Variants in SLC35D4 observed in about 807,000 individuals in gnomAD.
The protein encoded by SLC35D4 is solute carrier family 35 member D4, also known as UDP-N-acetylglucosamine transporter SLC35D4.
chr18:23,330,665 C>A, the SLC35D4 span, among the ~76,000 whole-genome samples: 1 of 152,202 alleles, frequency 6.6e-6, no homozygotes, highest in Non-Finnish European at 1.5e-5. Context: ...ACCCTGACAG[C>A]CGGCTCGCTC....
At chr18:23,285,130 T>C in the SLC35D4 span, among the ~76,000 whole-genome samples, 5 of 152,196 alleles carry the variant, frequency 3.3e-5, no homozygotes. Context: ...TGACCTCTTA[T>C]CTCTGTGCCC....
At chr18:23,393,829 A>G in the SLC35D4 span, among the ~76,000 whole-genome samples, 14 of 152,058 alleles carry the variant, frequency 9.2e-5, no homozygotes, top group Non-Finnish European at 1.6e-4. Context: ...ACATTGGTCA[A>G]GCTGGTCTCG....
At chr18:23,290,696 G>A in the SLC35D4 span, among the ~76,000 whole-genome samples, 1 of 148,942 alleles carries the variant, frequency 6.7e-6, no homozygotes, top group Non-Finnish European at 1.5e-5. Flanking sequence ...GCGCATCCTT[G>A]ACCCACTGCA....
chr18:23,360,823 T>G, the SLC35D4 span, among the ~76,000 whole-genome samples: 5 of 152,060 alleles, frequency 3.3e-5, no homozygotes, highest in Admixed American at 3.3e-4. Flanking sequence ...AAGAAGGGGC[T>G]GGGTGCAGCA....
chr18:23,260,721 T>C, the SLC35D4 span, among the ~76,000 whole-genome samples: 4 of 138,632 alleles, frequency 2.9e-5, no homozygotes, highest in African/African-American at 1.1e-4. Context: ...GGGTTGGGGA[T>C]GGGGGCGCGC....
chr18:23,419,169 A>C, the SLC35D4 span, among the ~76,000 whole-genome samples: 1 of 152,150 alleles, frequency 6.6e-6, no homozygotes, highest in South Asian at 2.1e-4. Context: ...TTTGTGCATC[A>C]TTTCAGGATA....
the SLC35D4 span, among the ~76,000 whole-genome samples, chr18:23,318,233 G>A: frequency 2.6e-5 from 4 of 152,102 alleles, no homozygotes; most frequent in East Asian, 1.9e-4. Flanking sequence ...CCAGTTGTTC[G>A]TCTTCTTTGG....
the SLC35D4 span, among the ~76,000 whole-genome samples, chr18:23,265,361 A>G: frequency 6.6e-6 from 1 of 152,092 alleles, no homozygotes; most frequent in Admixed American, 6.5e-5. Flanking sequence ...AATTTCTCCC[A>G]ATGCACGAGC....
chr18:23,330,428 T>G, the SLC35D4 span, among the ~76,000 whole-genome samples: 3 of 152,210 alleles, frequency 2.0e-5, no homozygotes, highest in Admixed American at 6.5e-5. Context: ...TAAGGTTTTT[T>G]TTCTAGAGAT....
At chr18:23,275,102 GT>G in the SLC35D4 span, among the ~76,000 whole-genome samples, 30 of 151,680 alleles carry the variant, frequency 2.0e-4, no homozygotes, top group African/African-American at 6.8e-4. Flanking sequence ...GTGCTTGTGT[GT>G]TTTTGTGTGT....
At chr18:23,325,448 A>T in the SLC35D4 span, among the ~76,000 whole-genome samples, 1 of 152,050 alleles carries the variant, frequency 6.6e-6, no homozygotes, top group Non-Finnish European at 1.5e-5. Context: ...TGTGCACAGG[A>T]GGGGCTTGAG....
At chr18:23,412,607 T>C in the SLC35D4 span, among the ~76,000 whole-genome samples, 2 of 152,156 alleles carry the variant, frequency 1.3e-5, no homozygotes, top group East Asian at 1.9e-4. Context: ...TCAGAGAGGA[T>C]CACATTCCCT....
At chr18:23,334,983 C>T in the SLC35D4 span, among the ~76,000 whole-genome samples, 4 of 150,626 alleles carry the variant, frequency 2.7e-5, no homozygotes, top group African/African-American at 7.3e-5. Context: ...CCAGCCTGAG[C>T]GACAGAGCGA....
the SLC35D4 span, among the ~76,000 whole-genome samples, chr18:23,314,862 G>A: frequency 6.6e-6 from 1 of 152,248 alleles, no homozygotes; most frequent in Admixed American, 6.5e-5. Flanking sequence ...AATACGAGGT[G>A]TCAGCCGCAG....
chr18:23,323,756 C>A, the SLC35D4 span, among the ~76,000 whole-genome samples: 2 of 152,052 alleles, frequency 1.3e-5, no homozygotes, highest in African/African-American at 2.4e-5. Context: ...GAATGTGGAG[C>A]CCTCACCATG....
chr18:23,318,198 A>C, the SLC35D4 span, among the ~76,000 whole-genome samples: 2 of 152,202 alleles, frequency 1.3e-5, no homozygotes, highest in Non-Finnish European at 2.9e-5. Flanking sequence ...AATGACACTA[A>C]GCATCTTTTT....
the SLC35D4 span, among the ~76,000 whole-genome samples, chr18:23,283,232 A>AC: frequency 7.9e-5 from 12 of 152,034 alleles, no homozygotes; most frequent in Admixed American, 7.9e-4. Context: ...CACACCTGTA[A>AC]CCCCAGTACT....
chr18:23,294,540 G>T, the SLC35D4 span, among the ~76,000 whole-genome samples: 1 of 152,164 alleles, frequency 6.6e-6, no homozygotes, highest in Non-Finnish European at 1.5e-5. Context: ...TGTAAGAAAA[G>T]ATCTGAGATT....
the SLC35D4 span, among the ~76,000 whole-genome samples, chr18:23,329,516 A>T: frequency 6.6e-6 from 1 of 152,224 alleles, no homozygotes; most frequent in African/African-American, 2.4e-5. Flanking sequence ...ATACCATCTC[A>T]TGCCAGTTAG....
Sources: gnomAD v4.1 joint callset for allele counts (sites outside exome capture counted in the v4.1 genomes callset) on GRCh38, gnomAD v4.1.1 for gene constraint, MANE v1.5 for transcripts, NCBI Gene and HGNC (gene_info 2026-07-23, HGNC 2026-07-21) for gene names.